Variants in FNDC1 observed in about 807,000 individuals in gnomAD.
FNDC1 encodes the protein fibronectin type III domain-containing protein 1.
Under a neutral mutation model 168.0 loss-of-function variants are expected in FNDC1, and 96 were observed. The observed-to-expected ratio is 0.57, with a 90% CI of 0.48 to 0.68. The LOEUF is 0.68. FNDC1 is among the 30% of genes least tolerant of loss of function. The pLI, the probability that FNDC1 is intolerant of heterozygous loss-of-function variation, is 0.00. For missense variants in FNDC1, 2,587 were observed against 2,482.1 expected (o/e 1.04, Z -0.90); for synonymous variants, 1,099 against 1,025.9 (o/e 1.07, Z -1.36).
intron 4 of FNDC1, among the ~76,000 whole-genome samples, chr6:159,208,844 A>ATT (rs369408600): frequency 0.13 from 16,461 of 127,786 alleles, 1,307 homozygotes; most frequent in African/African-American, 0.15. Context: ...GTTATTTTTA[A>ATT]TTTTTTTTTT....
chr6:159,187,911 A>G (rs1049218250), intron 1 of FNDC1, among the ~76,000 whole-genome samples: 1 of 152,114 alleles, frequency 6.6e-6, no homozygotes, highest in Non-Finnish European at 1.5e-5. Flanking sequence ...CCTAGTCTCT[A>G]TGTCGTATAT....
chr6:159,268,494 G>C (rs1383274419), intron 22 of FNDC1, among the ~76,000 whole-genome samples: 1 of 152,156 alleles, frequency 6.6e-6, no homozygotes, highest in Non-Finnish European at 1.5e-5. Context: ...ATACAGAAAA[G>C]AGTAAAATAA....
At chr6:159,223,077 G>A (rs1782867724) in intron 6 of FNDC1, among the ~76,000 whole-genome samples, 1 of 144,024 alleles carries the variant, frequency 6.9e-6, no homozygotes, top group Non-Finnish European at 1.5e-5. Context: ...CTCACTGCAA[G>A]CTCCGCCTCC....
At chr6:159,226,609 A>G (rs1157528992) in intron 9 of FNDC1, 29 bp downstream of exon 9, 1 of 1,523,274 alleles carries the variant, frequency 6.6e-7, no homozygotes, top group Admixed American at 1.9e-5. Flanking sequence ...AAACTGTAAG[A>G]TGCATTGATT....
chr6:159,169,565 A>G lies in FNDC1; in HGVS notation c.-32A>G. 1 of 849,898 alleles carries G rather than the reference A, an allele frequency of 1.2e-6. No individual in the cohort carries two copies. The highest frequency in any genetic ancestry group is 1.8e-5 in the African/African-American group (1 of 54,904). 52.6% of individuals were successfully genotyped at this position (849,898 alleles called of 1,614,324 possible). ...GGCCAGCGCCCCCCTGCCAGCCGCA[A>G]GCACCCAGCCCCGGCCCACCCCGGG... is the stretch of plus-strand genomic sequence containing the variant. On this transcript the variant is annotated 5_prime_UTR_variant, in exon 1 of 23. Coordinates refer to ENST00000297267, the MANE Select transcript of FNDC1 (RefSeq NM_032532.3). This position sits in a 1 kb window ranked among gnomAD's most constrained non-coding sequence, Gnocchi z 6.8.
intron 11 of FNDC1, among the ~76,000 whole-genome samples, chr6:159,235,245 A>C (rs1783223343): frequency 6.6e-6 from 1 of 152,230 alleles, no homozygotes; most frequent in African/African-American, 2.4e-5. Flanking sequence ...ATAAATTTGC[A>C]TTCAGTTAAA....
chr6:159,215,340 G>A (rs1278165177), intron 5 of FNDC1, among the ~76,000 whole-genome samples, 189 bp downstream of exon 5: 4 of 152,206 alleles, frequency 2.6e-5, no homozygotes, highest in Non-Finnish European at 5.9e-5. Flanking sequence ...CCTTCTGTTA[G>A]TGGCAGCCCC....
chr6:159,256,714 T>A (rs1777381746), intron 18 of FNDC1, 83 bp downstream of exon 18: 1 of 1,038,814 alleles, frequency 9.6e-7, no homozygotes, highest in African/African-American at 1.6e-5. Flanking sequence ...AAGGGAGGAA[T>A]CAAAATGTTT....
At chr6:159,263,153 T>C (rs1777521287) in intron 19 of FNDC1, among the ~76,000 whole-genome samples, 1 of 152,190 alleles carries the variant, frequency 6.6e-6, no homozygotes, top group Non-Finnish European at 1.5e-5. Flanking sequence ...TTTGGGACTT[T>C]TTTGGCAGAC....
intron 4 of FNDC1, among the ~76,000 whole-genome samples, chr6:159,212,314 C>T (rs1370026335): frequency 1.3e-5 from 2 of 152,226 alleles, no homozygotes; most frequent in Non-Finnish European, 2.9e-5. Context: ...AAAAGACTTA[C>T]ACAGATTTAT....
chr6:159,184,199 T>A lies in FNDC1; in HGVS notation c.110-13232T>A, dbSNP rs75237281. Among the ~76,000 whole-genome samples the A allele has an allele frequency of 3.7e-3, 559 of 152,378 alleles. 3 individuals are homozygous for A. Among genetic ancestry groups the A allele is most frequent in the African/African-American group, 0.013 (546 of 41,590 alleles). On this transcript the variant is annotated intron_variant, in intron 1 of 22. Transcript: ENST00000297267. ...ATAGTTATGATAACACAGCTCATTT[T>A]AAATCACTTCTATATTGCCAGTTCC...
At chr6:159,200,447 G>A (rs1782352750) in intron 3 of FNDC1, 66 bp from the exon 4 acceptor site, 1 of 1,131,684 alleles carries the variant, frequency 8.8e-7, no homozygotes, top group East Asian at 2.5e-5. Flanking sequence ...CATTATGGAT[G>A]CACTGTAATG....
At chr6:159,200,215 A>G (rs1782346427) in intron 3 of FNDC1, 133 bp downstream of exon 3, 2 of 712,370 alleles carry the variant, frequency 2.8e-6, no homozygotes, top group South Asian at 3.7e-5. Context: ...TTAGACTTGT[A>G]TAGCAAGCTG....
rs374707823 is a variant in FNDC1, at chr6:159,232,846, T to C, written c.2334T>C (p.Ser778=). ...ATCTCTCGTCCAGGACGCAGGTCTC[T>C]GAGGGAGCGGAGGCTTCTGATGGTG... The part of the protein sequence containing the change: ...SSHLSSRTQV[S]EGAEASDGES... The change falls in exon 11 of 23, where the codon TCT becomes TCC. Residue 778 remains serine, a synonymous_variant. Coordinates refer to ENST00000297267, the MANE Select transcript of FNDC1 (RefSeq NM_032532.3). The surrounding 1 kb of genome is among the most constrained non-coding windows in gnomAD (Gnocchi z 4.9). 198 of 1,613,726 alleles carry C rather than the reference T, an allele frequency of 1.2e-4. No homozygotes were observed. Among genetic ancestry groups the C allele is most frequent in the Non-Finnish European group, 1.6e-4 (191 of 1,179,894 alleles).
chr6:159,184,506 G>A (rs1032075704), intron 1 of FNDC1, among the ~76,000 whole-genome samples: 5 of 152,188 alleles, frequency 3.3e-5, no homozygotes, highest in Non-Finnish European at 7.3e-5. Flanking sequence ...TCATTAGCAA[G>A]TGGGGTTGTC....
chr6:159,211,908 A>G (rs1417895133), intron 4 of FNDC1, among the ~76,000 whole-genome samples: 2 of 152,242 alleles, frequency 1.3e-5, no homozygotes, highest in African/African-American at 4.8e-5. Flanking sequence ...AGAAGCTACC[A>G]AGTTTAACTA....
At chr6:159,250,569 G>A (rs1777231694) in intron 16 of FNDC1, among the ~76,000 whole-genome samples, 1 of 152,134 alleles carries the variant, frequency 6.6e-6, no homozygotes, top group Admixed American at 6.5e-5. Flanking sequence ...AAGGGCTGGG[G>A]GTGACAGCCT....
chr6:159,233,587 T>A lies in FNDC1; in HGVS notation c.3075T>A (p.Gly1025=). The change falls in exon 11 of 23, where the codon GGT becomes GGA. Residue 1025 remains glycine (G), a synonymous_variant. Transcript: ENST00000297267. This position sits in a 1 kb window ranked among gnomAD's most constrained non-coding sequence, Gnocchi z 4.6. The part of the protein sequence containing the change: ...HHPGPQSRDA[G]RSPSQPRLSL... Reference sequence around the variant, plus strand: ...CGGGACCCCAGAGCAGAGACGCGGGTCGGTCACCTTCCCAGCCCAGGCTCT... The same window carrying A: ...CGGGACCCCAGAGCAGAGACGCGGGACGGTCACCTTCCCAGCCCAGGCTCT... The A allele has an allele frequency of 1.3e-6, 2 of 1,581,078 alleles. No homozygotes were observed. The highest frequency in any genetic ancestry group is 1.7e-6 in the Non-Finnish European group (2 of 1,167,428).
chr6:159,224,751 A>G (rs401578), intron 7 of FNDC1, among the ~76,000 whole-genome samples: 58,419 of 152,080 alleles, frequency 0.38, 14,365 homozygotes, highest in East Asian at 0.73. Context: ...ATCTTCTCTT[A>G]ACATATTCAG....
Sources: gnomAD v4.1 joint callset for allele counts (sites outside exome capture counted in the v4.1 genomes callset) on GRCh38, gnomAD v4.1.1 for gene constraint, Gnocchi (gnomAD v3.1) non-coding constraint, MANE v1.5 for transcripts, NCBI Gene and HGNC (gene_info 2026-07-23, HGNC 2026-07-21) for gene names.